Variants in PLS1 observed in about 807,000 individuals in gnomAD.
The protein encoded by PLS1 is plastin-1.
PLS1 carries 32 observed loss-of-function variants against 73.7 expected under a neutral mutation model. The observed-to-expected ratio is 0.43, with a 90% CI of 0.33 to 0.58. The LOEUF (loss-of-function observed/expected upper bound fraction) is 0.58, where lower values mean the gene tolerates loss of function less well. Among genes scored for constraint, PLS1 ranks in the 20% least tolerant of loss-of-function variants. PLS1 has a pLI of 0.04. For missense variants in PLS1, 633 were observed against 740.5 expected (o/e 0.85, Z 1.68); for synonymous variants, 217 against 261.3 (o/e 0.83, Z 1.63).
chr3:142,673,003 T>C (rs941298114), intron 4 of PLS1, among the ~76,000 whole-genome samples: 3 of 152,246 alleles, frequency 2.0e-5, no homozygotes, highest in Non-Finnish European at 4.4e-5. Flanking sequence ...AAGTTTCATA[T>C]AAATGGTATC....
At chr3:142,701,684 A>G (rs977686781) in intron 12 of PLS1, among the ~76,000 whole-genome samples, 1 of 152,170 alleles carries the variant, frequency 6.6e-6, no homozygotes, top group Non-Finnish European at 1.5e-5. Flanking sequence ...TGGTCCTATC[A>G]ATATATTCTT....
chr3:142,608,729 C>G (rs1367507977), intron 1 of PLS1, among the ~76,000 whole-genome samples: 8 of 152,204 alleles, frequency 5.3e-5, no homozygotes, highest in Non-Finnish European at 1.5e-5. Flanking sequence ...GATAGTATGT[C>G]TCTGTGTTTA....
chr3:142,627,559 T>C (rs2036455877), intron 1 of PLS1, among the ~76,000 whole-genome samples: 1 of 152,194 alleles, frequency 6.6e-6, no homozygotes, highest in Admixed American at 6.5e-5. Flanking sequence ...GAATTCTACT[T>C]CTACATTAAT....
intron 14 of PLS1, among the ~76,000 whole-genome samples, chr3:142,710,110 G>A (rs1031347194): frequency 2.0e-5 from 3 of 151,716 alleles, no homozygotes; most frequent in Non-Finnish European, 2.9e-5. Context: ...GTAATCCAGA[G>A]GTAGGGTAGA....
At chr3:142,708,921 G>A (rs895467430) in intron 14 of PLS1, among the ~76,000 whole-genome samples, 1 of 152,148 alleles carries the variant, frequency 6.6e-6, no homozygotes, top group African/African-American at 2.4e-5. Flanking sequence ...AAACTCAGTA[G>A]AAGCTTTACG....
In PLS1 at chr3:142,712,570, C is replaced by T. The variant is rs1255535178; in HGVS notation, c.*563C>T. ...TATGAGAACTAATTCTTGAATAAACCCCAAAGTTCACTCTCTTGTTTAAGT... is the reference window on the plus strand; with the variant it reads ...TATGAGAACTAATTCTTGAATAAACTCCAAAGTTCACTCTCTTGTTTAAGT... On this transcript the variant is annotated 3_prime_UTR_variant, in exon 16 of 16. Transcript: ENST00000457734. 2 of 152,142 alleles carry T rather than the reference C, an allele frequency of 1.3e-5. No individual in the cohort carries two copies. The highest frequency in any genetic ancestry group is 2.1e-4 in the South Asian group (1 of 4,810). The allele number at this position is 152,142 out of a possible 1,614,324, so 9.4% of individuals were successfully genotyped here. A position where few individuals can be genotyped will look rare whatever the true frequency, so the allele number is the denominator to read the frequency against.
intron 4 of PLS1, among the ~76,000 whole-genome samples, chr3:142,672,565 G>T (rs1458102937): frequency 1.3e-5 from 2 of 151,752 alleles, no homozygotes; most frequent in Non-Finnish European, 2.9e-5. Context: ...GGATGGTCTC[G>T]ATCTCCTGAC....
chr3:142,694,309 T>C (rs959813710), intron 10 of PLS1, among the ~76,000 whole-genome samples, 160 bp from the exon 11 acceptor site: 7 of 152,020 alleles, frequency 4.6e-5, no homozygotes, highest in Admixed American at 1.3e-4. Flanking sequence ...GAAGGGACTT[T>C]GGCATTAAGA....
chr3:142,596,987 T>TA (rs1375036434), intron 1 of PLS1, among the ~76,000 whole-genome samples: 1 of 152,184 alleles, frequency 6.6e-6, no homozygotes, highest in Non-Finnish European at 1.5e-5. Context: ...GGATGCGGCA[T>TA]AAAAATGTCA....
At chr3:142,666,465 C>G (rs1340655798) in intron 2 of PLS1, among the ~76,000 whole-genome samples, 1 of 152,174 alleles carries the variant, frequency 6.6e-6, no homozygotes, top group African/African-American at 2.4e-5. Flanking sequence ...CATGTTGTAG[C>G]CTGTGTCAGA....
At chr3:142,681,204 A>G (rs2037846012) in intron 6 of PLS1, among the ~76,000 whole-genome samples, 1 of 152,180 alleles carries the variant, frequency 6.6e-6, no homozygotes. Flanking sequence ...TGCACTAAAT[A>G]TAAATATTAA....
chr3:142,621,481 C>T (rs2036312787), intron 1 of PLS1, among the ~76,000 whole-genome samples: 1 of 152,086 alleles, frequency 6.6e-6, no homozygotes, highest in African/African-American at 2.4e-5. Flanking sequence ...ATGGTATAGT[C>T]ATACATGGAC....
chr3:142,613,828 T>C (rs1043800263), intron 1 of PLS1, among the ~76,000 whole-genome samples: 1 of 152,240 alleles, frequency 6.6e-6, no homozygotes, highest in Non-Finnish European at 1.5e-5. Flanking sequence ...AAAATTCTCC[T>C]CTAAGCTACT....
chr3:142,616,428 A>C (rs1376874496), intron 1 of PLS1, among the ~76,000 whole-genome samples: 1 of 152,172 alleles, frequency 6.6e-6, no homozygotes, highest in Admixed American at 6.5e-5. Flanking sequence ...TTTACAATTA[A>C]TCACTTATTT....
chr3:142,601,403 A>G (rs1156264506), intron 1 of PLS1, among the ~76,000 whole-genome samples: 2 of 152,148 alleles, frequency 1.3e-5, no homozygotes, highest in Non-Finnish European at 2.9e-5. Flanking sequence ...AAATAATAAT[A>G]GTAATATTAG....
chr3:142,613,763 A>T (rs2036164569), intron 1 of PLS1, among the ~76,000 whole-genome samples: 2 of 152,188 alleles, frequency 1.3e-5, no homozygotes, highest in Admixed American at 1.3e-4. Context: ...ATGATTCAAG[A>T]CAAGAAAAGA....
chr3:142,635,765 T>A (rs1008775941), intron 1 of PLS1, among the ~76,000 whole-genome samples: 22 of 152,192 alleles, frequency 1.4e-4, no homozygotes. Flanking sequence ...AAAATTCATA[T>A]GGAAATGTGA....
In PLS1 at chr3:142,620,012, G is replaced by A. The variant is rs959499015; in HGVS notation, c.-37+23503G>A. ...CTACTCCCACAATCAGCACCCTATCGAGAAACCAGAATTACTCCTGGCTGC... is the reference window on the plus strand; with the variant it reads ...CTACTCCCACAATCAGCACCCTATCAAGAAACCAGAATTACTCCTGGCTGC... On this transcript the variant is annotated intron_variant, in intron 1 of 15. Coordinates refer to ENST00000457734, the MANE Select transcript of PLS1 (RefSeq NM_001145319.2). Among the ~76,000 whole-genome samples the A allele has an allele frequency of 5.3e-5, 8 of 152,134 alleles. No individual in the cohort carries two copies. The East Asian group carries it at 7.7e-4, about 15-fold the overall frequency.
chr3:142,624,441 A>G (rs943758828), intron 1 of PLS1, among the ~76,000 whole-genome samples: 8 of 152,218 alleles, frequency 5.3e-5, no homozygotes, highest in African/African-American at 1.9e-4. Flanking sequence ...CCTTACCTTA[A>G]GTTCTTTTCT....
Sources: gnomAD v4.1 joint callset for allele counts (sites outside exome capture counted in the v4.1 genomes callset) on GRCh38, gnomAD v4.1.1 for gene constraint, MANE v1.5 for transcripts, NCBI Gene and HGNC (gene_info 2026-07-23, HGNC 2026-07-21) for gene names.